Variants in ERBB4 observed in about 807,000 individuals in gnomAD.
The protein encoded by ERBB4 is receptor tyrosine-protein kinase erbB-4.
A neutral mutation model predicts 158.0 loss-of-function variants in ERBB4; 42 were observed. The observed-to-expected ratio is 0.27, with a 90% CI of 0.21 to 0.34. The LOEUF (loss-of-function observed/expected upper bound fraction) is 0.34, where lower values mean the gene tolerates loss of function less well. Among genes scored for constraint, ERBB4 ranks in the 10% least tolerant of loss-of-function variants. The pLI is 1.00. For synonymous variants in ERBB4, 583 were observed against 558.7 expected, an observed-to-expected ratio of 1.04 and a Z score of -0.61; for missense variants, 1,333 against 1,624.1, an observed-to-expected ratio of 0.82 and a Z score of 3.08.
chr2:212,481,127 T>C (rs1392025987), intron 1 of ERBB4, among the ~76,000 whole-genome samples: 1 of 151,994 alleles, frequency 6.6e-6, no homozygotes, highest in Non-Finnish European at 1.5e-5. Flanking sequence ...TATATATCTC[T>C]TTATATCACA....
intron 20 of ERBB4, among the ~76,000 whole-genome samples, chr2:211,446,043 A>T (rs1042208790): frequency 1.1e-4 from 16 of 152,196 alleles, no homozygotes; most frequent in African/African-American, 3.9e-4. Context: ...GGGGGGAGCT[A>T]ATGTTTTCAT....
intron 3 of ERBB4, among the ~76,000 whole-genome samples, chr2:211,916,519 T>C (rs2079696627): frequency 6.6e-6 from 1 of 152,178 alleles, no homozygotes; most frequent in Non-Finnish European, 1.5e-5. Context: ...TATTTACCTA[T>C]AAATTTTGTA....
chr2:211,997,420 G>C (rs1185092455), intron 2 of ERBB4, among the ~76,000 whole-genome samples: 2 of 151,830 alleles, frequency 1.3e-5, no homozygotes, highest in African/African-American at 4.8e-5. Context: ...ATAAAATGTT[G>C]ATGTTGTAAA....
chr2:211,905,767 A>G (rs1313410278), intron 3 of ERBB4, among the ~76,000 whole-genome samples: 1 of 128,304 alleles, frequency 7.8e-6, no homozygotes, highest in African/African-American at 3.2e-5. Flanking sequence ...TATATATACT[A>G]TTATGTATAC....
At chr2:212,015,789 C>A (rs919206241) in intron 2 of ERBB4, among the ~76,000 whole-genome samples, 6 of 152,020 alleles carry the variant, frequency 3.9e-5, no homozygotes, top group Non-Finnish European at 8.8e-5. Context: ...GGAGGATGAC[C>A]CACTGCCCTT....
chr2:212,529,061 C>G (rs768021365), intron 1 of ERBB4, among the ~76,000 whole-genome samples: 10 of 152,060 alleles, frequency 6.6e-5, no homozygotes, highest in Non-Finnish European at 1.0e-4. Flanking sequence ...TGCAAAATCA[C>G]TTAATAACAT....
At chr2:212,095,010 T>C (rs978516329) in intron 2 of ERBB4, among the ~76,000 whole-genome samples, 3 of 152,190 alleles carry the variant, frequency 2.0e-5, no homozygotes, top group Admixed American at 1.3e-4. Flanking sequence ...GATACTGTTT[T>C]TTTTTCTTTT....
intron 20 of ERBB4, among the ~76,000 whole-genome samples, chr2:211,473,206 T>C (rs1183956337): frequency 6.6e-6 from 1 of 151,970 alleles, no homozygotes; most frequent in Non-Finnish European, 1.5e-5. Context: ...GATGTGAAGA[T>C]AGAGGCAAAG....
chr2:211,981,563 A>G (rs1001658807), intron 2 of ERBB4, among the ~76,000 whole-genome samples: 6 of 152,034 alleles, frequency 3.9e-5, no homozygotes. Context: ...AACTTGTTTC[A>G]TTTTCCTGAA....
At chr2:211,952,261 C>A (rs530290974) in intron 2 of ERBB4, among the ~76,000 whole-genome samples, 1 of 152,096 alleles carries the variant, frequency 6.6e-6, no homozygotes, top group East Asian at 1.9e-4. Flanking sequence ...AACTCCAGTG[C>A]AGATCATGAG....
In ERBB4 at chr2:211,701,680, T is replaced by C. The variant is rs567247604; in HGVS notation, c.1489+287A>G. ...CTGAGGCAGGAGAATGGCGTGAACC[T>C]GGGAGGCGGAGCTTGCAGTGAGCCG... On this transcript the variant is annotated intron_variant, in intron 12 of 27. Coordinates refer to ENST00000342788, the MANE Select transcript of ERBB4 (RefSeq NM_005235.3). 3.2e-4 allele frequency among the ~76,000 whole-genome samples: 43 copies of C among 132,474 alleles called. No homozygotes were observed. In the South Asian group the frequency reaches 6.4e-3, roughly 20 times the overall value. 86.9% of individuals were successfully genotyped at this position (132,474 alleles called of 152,430 possible).
intron 19 of ERBB4, among the ~76,000 whole-genome samples, chr2:211,598,770 T>C (rs1277155499): frequency 6.6e-6 from 1 of 152,224 alleles, no homozygotes; most frequent in Non-Finnish European, 1.5e-5. Flanking sequence ...CTTGGACATA[T>C]ATACATGTAC....
chr2:212,000,909 A>G (rs1243422512), intron 2 of ERBB4, among the ~76,000 whole-genome samples: 1 of 151,978 alleles, frequency 6.6e-6, no homozygotes, highest in Non-Finnish European at 1.5e-5. Context: ...AAAATAAATT[A>G]TATCCAACAC....
At chr2:212,167,553 C>A (rs886786214) in intron 1 of ERBB4, among the ~76,000 whole-genome samples, 4 of 152,158 alleles carry the variant, frequency 2.6e-5, no homozygotes, top group Non-Finnish European at 2.9e-5. Flanking sequence ...GGATTTAGAA[C>A]CAGAAATACC....
chr2:211,773,647 T>TATATATATATAA, intron 4 of ERBB4, among the ~76,000 whole-genome samples: 1 of 77,438 alleles, frequency 1.3e-5, no homozygotes. Flanking sequence ...TATATATATA[T>TATATATATATAA]AATATATATA....
At chr2:212,382,846 CTTCTT>C (rs977912769) in intron 1 of ERBB4, among the ~76,000 whole-genome samples, 10 of 151,020 alleles carry the variant, frequency 6.6e-5, no homozygotes, top group Non-Finnish European at 1.3e-4. Flanking sequence ...TTTTTGTACT[CTTCTT>C]TTGTGAATTT....
intron 1 of ERBB4, among the ~76,000 whole-genome samples, chr2:212,345,276 A>AAAAAAAAAAG (rs1238040023): frequency 6.7e-6 from 1 of 149,896 alleles, no homozygotes. Context: ...AAAAAAAAAA[A>AAAAAAAAAAG]AGCACTAAAC....
chr2:211,672,259 A>G (rs1402401977), intron 14 of ERBB4, among the ~76,000 whole-genome samples: 1 of 152,188 alleles, frequency 6.6e-6, no homozygotes, highest in African/African-American at 2.4e-5. Context: ...TCTTGTCTAC[A>G]TTCAAATGTT....
chr2:212,454,430 TG>T (rs1211284936), intron 1 of ERBB4, among the ~76,000 whole-genome samples: 5 of 152,186 alleles, frequency 3.3e-5, no homozygotes, highest in African/African-American at 1.2e-4. Flanking sequence ...CTATTATCTG[TG>T]GGTTTTCCCA....
Sources: gnomAD v4.1 joint callset for allele counts (sites outside exome capture counted in the v4.1 genomes callset) on GRCh38, gnomAD v4.1.1 for gene constraint, MANE v1.5 for transcripts, NCBI Gene and HGNC (gene_info 2026-07-23, HGNC 2026-07-21) for gene names.